PLCE1: variants seen among roughly 807,000 people sequenced by gnomAD.
PLCE1 encodes 1-phosphatidylinositol 4,5-bisphosphate phosphodiesterase epsilon-1.
In PLCE1, 119 loss-of-function variants were observed where a neutral mutation model predicts 242.8. That is an observed-to-expected ratio of 0.49 (90% CI 0.42 to 0.57). The LOEUF is 0.57. Ranked by LOEUF, PLCE1 falls within the 20% of genes least tolerant of loss-of-function variation. The pLI, the probability that PLCE1 is intolerant of heterozygous loss-of-function variation, is 0.00. For missense variants in PLCE1, 2,441 were observed against 2,788.8 expected, an observed-to-expected ratio of 0.88 and a Z score of 2.81; for synonymous variants, 945 against 1,017.4, an observed-to-expected ratio of 0.93 and a Z score of 1.35.
chr10:94,220,612 C>T (rs1729563562), intron 4 of PLCE1, among the ~76,000 whole-genome samples: 1 of 151,574 alleles, frequency 6.6e-6, no homozygotes, highest in Non-Finnish European at 1.5e-5. Flanking sequence ...TTAGAGATTC[C>T]AGTCTTCAGG....
intron 8 of PLCE1, among the ~76,000 whole-genome samples, chr10:94,249,061 C>A (rs1283893618): frequency 6.6e-6 from 1 of 152,126 alleles, no homozygotes; most frequent in Admixed American, 6.5e-5. Context: ...CCCCCACCAC[C>A]CCTGCACAGA....
intron 3 of PLCE1, among the ~76,000 whole-genome samples, chr10:94,152,239 G>A (rs185164711): frequency 1.3e-4 from 20 of 152,266 alleles, no homozygotes; most frequent in Admixed American, 2.0e-4. Context: ...TACTTAAATC[G>A]TCAAACGTAG....
At position 94,171,252 on chromosome 10, in the gene PLCE1, T is replaced by A; in HGVS notation, c.1565T>A (p.Leu522Gln). ...AGTTCAGCTGGGATCAGCAAGGAGCTGATCGATCTGCAGCCTCTCATCCAG... is the reference window on the plus strand; with the variant it reads ...AGTTCAGCTGGGATCAGCAAGGAGCAGATCGATCTGCAGCCTCTCATCCAG... ...PSSSAGISKE[L>Q]IDLQPLIQFP... Residue 522 changes from leucine (L) to glutamine (Q), a missense_variant, in exon 4 of 33, where the codon CTG (leucine) becomes CAG (glutamine). Around this residue, in one of 5 missense-constraint regions of PLCE1, gnomAD observed 733 missense variants for 754.2 expected, o/e 0.97. Transcript: ENST00000371380. 1 of 1,614,200 alleles carries A rather than the reference T, an allele frequency of 6.2e-7. No homozygotes were observed. The highest frequency in any genetic ancestry group is 8.5e-7 in the Non-Finnish European group (1 of 1,180,010).
intron 19 of PLCE1, among the ~76,000 whole-genome samples, chr10:94,275,696 C>T (rs1390056483): frequency 1.3e-5 from 2 of 152,098 alleles, no homozygotes; most frequent in East Asian, 3.9e-4. Flanking sequence ...ATTAGCTGGG[C>T]ATGGTGGCAT....
chr10:94,256,323 C>CAAAAAA (rs1316929334), intron 11 of PLCE1, among the ~76,000 whole-genome samples: 2 of 56,242 alleles, frequency 3.6e-5, no homozygotes, highest in African/African-American at 1.4e-4. Flanking sequence ...GAGCTTGTCT[C>CAAAAAA]AAAAAAAAAA....
At chr10:94,100,711 T>A (rs1216581049) in intron 2 of PLCE1, 2 of 152,120 alleles carry the variant, frequency 1.3e-5, no homozygotes, top group African/African-American at 4.8e-5. Context: ...TAAGAGAGAT[T>A]TTCAAGTCAC....
intron 2 of PLCE1, among the ~76,000 whole-genome samples, chr10:94,042,323 G>C (rs1252453021): frequency 6.6e-6 from 1 of 152,128 alleles, no homozygotes; most frequent in African/African-American, 2.4e-5. Flanking sequence ...CTTACACTGG[G>C]CTTCCCAGAT....
At position 94,203,944 on chromosome 10, in the gene PLCE1, T is replaced by C. The variant is rs191614873; in HGVS notation, c.1810-23362T>C. On this transcript the variant is annotated intron_variant, in intron 4 of 32. Transcript: ENST00000371380. ...TAGTCTGAAAGTTTCTTCTAACTAGTTGTTTGTGGCTGATAGCAAAGGCAA... is the reference window on the plus strand; with the variant it reads ...TAGTCTGAAAGTTTCTTCTAACTAGCTGTTTGTGGCTGATAGCAAAGGCAA... Among the ~76,000 whole-genome samples, 5 of 152,344 alleles carry C rather than the reference T, an allele frequency of 3.3e-5. No homozygotes were observed. The East Asian group carries it at 9.6e-4, about 29-fold the overall frequency.
At chr10:94,327,920 T>TA in intron 32 of PLCE1, 48 bp from the exon 33 acceptor site, 1 of 514,128 alleles carries the variant, frequency 1.9e-6, no homozygotes, top group Non-Finnish European at 4.0e-6. Flanking sequence ...AGTGTTTCTG[T>TA]TTCTTCATTT....
intron 2 of PLCE1, among the ~76,000 whole-genome samples, chr10:94,121,544 A>G (rs2046298789): frequency 6.6e-6 from 1 of 152,160 alleles, no homozygotes. Context: ...TTGGGTATTC[A>G]GGGCTGGTGA....
Position 94,332,192 on chromosome 10 carries a change from G to A in PLCE1, c.*4249G>A, listed in dbSNP as rs987348668. 6.6e-6 allele frequency: 1 copy of A among 152,072 alleles called. No individual in the cohort carries two copies. Among genetic ancestry groups the A allele is most frequent in the Non-Finnish European group, 1.5e-5 (1 of 68,024 alleles). 9.4% of individuals were successfully genotyped at this position (152,072 alleles called of 1,614,324 possible). On this transcript the variant is annotated 3_prime_UTR_variant, in exon 33 of 33. Coordinates refer to ENST00000371380, the MANE Select transcript of PLCE1 (RefSeq NM_016341.4). ...CCTACCTACTCTTATACATCTCTTA[G>A]ATTCAAAACATACTATGCACAAGCC...
intron 5 of PLCE1, 39 bp from the exon 6 acceptor site, chr10:94,234,015 T>G: frequency 1.9e-6 from 3 of 1,575,104 alleles, no homozygotes; most frequent in Non-Finnish European, 2.6e-6. Context: ...ACTATATTAT[T>G]TCTCCTTCAG....
intron 4 of PLCE1, among the ~76,000 whole-genome samples, chr10:94,213,352 C>T (rs1355382836): frequency 6.6e-6 from 1 of 152,178 alleles, no homozygotes; most frequent in African/African-American, 2.4e-5. Context: ...GTGGTTTAAT[C>T]CCAGCCCATC....
chr10:94,308,544 T>C (rs757139125), intron 26 of PLCE1, 37 bp from the exon 27 acceptor site: 10 of 1,392,318 alleles, frequency 7.2e-6, no homozygotes, highest in Admixed American at 3.3e-5. Flanking sequence ...TCAGTAGCCA[T>C]GGTTAACAAG....
intron 2 of PLCE1, among the ~76,000 whole-genome samples, chr10:94,054,961 G>A (rs1169795749): frequency 1.4e-5 from 2 of 146,432 alleles, no homozygotes; most frequent in African/African-American, 5.2e-5. Context: ...GCAGTGAGCC[G>A]AGATCGGGCC....
rs532427094 is a variant in PLCE1 at position 94,259,212 on chromosome 10, G to A, written c.3814+62G>A. The A allele has an allele frequency of 2.5e-5, 38 of 1,517,424 alleles. No homozygotes were observed. In the African/African-American group the frequency reaches 4.9e-4, roughly 20 times the overall value. 94.0% of individuals were successfully genotyped at this position (1,517,424 alleles called of 1,614,324 possible). A position where few individuals can be genotyped will look rare whatever the true frequency, so the allele number is the denominator to read the frequency against. On this transcript the variant is annotated intron_variant, in intron 13 of 32. Transcript: ENST00000371380. ...ATCTGTCTAAAACTTAAGGTCAGAGGTCCAGTCACACAAACTCTGAGCCTG... is the reference window on the plus strand; with the variant it reads ...ATCTGTCTAAAACTTAAGGTCAGAGATCCAGTCACACAAACTCTGAGCCTG...
chr10:94,000,463 C>T (rs1015297948), intron 1 of PLCE1, among the ~76,000 whole-genome samples: 8 of 152,122 alleles, frequency 5.3e-5, no homozygotes, highest in Admixed American at 3.9e-4. Context: ...TAACTCATGT[C>T]GGAGGCTTAG....
At chr10:94,117,165 G>A (rs1269169511) in intron 2 of PLCE1, among the ~76,000 whole-genome samples, 3 of 152,188 alleles carry the variant, frequency 2.0e-5, no homozygotes, top group African/African-American at 7.2e-5. Flanking sequence ...GCAAGGTTGG[G>A]ACTCTTGTGG....
At chr10:94,086,234 C>A (rs1292865988) in intron 2 of PLCE1, among the ~76,000 whole-genome samples, 2 of 152,054 alleles carry the variant, frequency 1.3e-5, no homozygotes, top group Non-Finnish European at 2.9e-5. Context: ...TTGGAGCTGC[C>A]CTTTAGGAAT....
Sources: allele counts gnomAD v4.1 joint callset (sites outside exome capture counted in the v4.1 genomes callset), GRCh38; gene constraint gnomAD v4.1.1; regional missense constraint gnomAD v4.1.1; transcripts MANE v1.5; gene names NCBI Gene and HGNC (gene_info 2026-07-23, HGNC 2026-07-21).